METTL21A: variants seen among roughly 807,000 people sequenced by gnomAD.
METTL21A encodes the protein protein N-lysine methyltransferase METTL21A.
Under a neutral mutation model 20.9 loss-of-function variants are expected in METTL21A, and 22 were observed. The ratio of observed to expected loss-of-function variants is 1.05; its 90% CI spans 0.75 to 1.50. The LOEUF (loss-of-function observed/expected upper bound fraction) is 1.50. Among genes scored for constraint, METTL21A ranks in the 40% most tolerant of loss-of-function variants. METTL21A has a pLI of 0.00. For synonymous variants in METTL21A, 93 were observed against 102.0 expected (o/e 0.91, Z 0.53); for missense variants, 271 against 266.8 (o/e 1.02, Z -0.11).
chr2:207,619,613 CAT>C (rs2090235130), intron 3 of METTL21A, among the ~76,000 whole-genome samples: 1 of 152,066 alleles, frequency 6.6e-6, no homozygotes, highest in African/African-American at 2.4e-5. Context: ...CATACGCAGA[CAT>C]ATATATTTAC....
chr2:207,601,577 T>C (rs1258490833), intron 3 of METTL21A: 2 of 204,908 alleles, frequency 9.8e-6, no homozygotes, highest in Non-Finnish European at 2.0e-5. Flanking sequence ...TAATGAGACT[T>C]TATCCTCATC....
downstream of METTL21A, among the ~76,000 whole-genome samples, chr2:207,608,418 A>AT (rs11331224): frequency 3.3e-5 from 5 of 150,976 alleles, no homozygotes; most frequent in Non-Finnish European, 7.4e-5. Flanking sequence ...ATTTCTGATG[A>AT]TTTTTTTTTT....
chr2:207,585,837 C>T (rs1414549047), intron 3 of METTL21A, among the ~76,000 whole-genome samples: 1 of 152,062 alleles, frequency 6.6e-6, no homozygotes, highest in Non-Finnish European at 1.5e-5. Flanking sequence ...CCCAGTCAAA[C>T]ACACACTAAA....
intron 3 of METTL21A, chr2:207,602,769 T>G (rs1044238588): frequency 4.7e-6 from 1 of 214,520 alleles, no homozygotes; most frequent in African/African-American, 2.3e-5. Flanking sequence ...AAGTGGGAAA[T>G]AATTGTCAAC....
chr2:207,623,510 A>G lies in METTL21A; in HGVS notation c.147+719T>C, dbSNP rs569513234. ...ACTATGGAAAACTTAAAGAAAACAC[A>G]TAATCTCCATTTTGGGCTCTGCCAC... On this transcript the variant is annotated intron_variant, in intron 2 of 3. Transcript: ENST00000406927. Among the ~76,000 whole-genome samples, 231 of 152,318 alleles carry G rather than the reference A, an allele frequency of 1.5e-3. 1 individual carries two copies. Among genetic ancestry groups the G allele is most frequent in the African/African-American group, 5.4e-3 (226 of 41,570 alleles).
At chr2:207,625,129 G>A (rs1192208747) in intron 1 of METTL21A, 1 of 152,312 alleles carries the variant, frequency 6.6e-6, no homozygotes, top group Non-Finnish European at 1.5e-5. Flanking sequence ...ACCCTCCAGG[G>A]GTGAGAGGGA....
chr2:207,622,215 C>CTGGA (rs2090579078), intron 2 of METTL21A, among the ~76,000 whole-genome samples: 1 of 144,462 alleles, frequency 6.9e-6, no homozygotes, highest in Non-Finnish European at 1.5e-5. Context: ...GTCACCCAGG[C>CTGGA]TGGAGTGCAG....
intron 3 of METTL21A, among the ~76,000 whole-genome samples, chr2:207,613,945 T>C (rs1002272413): frequency 6.6e-6 from 1 of 152,124 alleles, no homozygotes; most frequent in Non-Finnish European, 1.5e-5. Flanking sequence ...CACTCCAGCC[T>C]GGGTGACAAG....
chr2:207,616,641 T>G (rs2089788065), intron 3 of METTL21A, among the ~76,000 whole-genome samples: 1 of 152,142 alleles, frequency 6.6e-6, no homozygotes, highest in African/African-American at 2.4e-5. Flanking sequence ...GGTCAGGAGT[T>G]CGAGACCAGC....
chr2:207,599,007 T>TTAAAATAAGATTTTAATTA (rs2086630260), intron 3 of METTL21A: 1 of 185,438 alleles, frequency 5.4e-6, no homozygotes, highest in Non-Finnish European at 1.1e-5. Context: ...TGGATCCATT[T>TTAAAATAAGATTTTAATTA]TAAAATAAGA....
At chr2:207,591,946 C>T (rs1326527301) in intron 3 of METTL21A, among the ~76,000 whole-genome samples, 1 of 151,964 alleles carries the variant, frequency 6.6e-6, no homozygotes, top group African/African-American at 2.4e-5. Context: ...TTTCAATTGT[C>T]TTCATTTCCT....
intron 3 of METTL21A, among the ~76,000 whole-genome samples, chr2:207,615,522 C>T (rs955340517): frequency 6.6e-6 from 1 of 151,692 alleles, no homozygotes; most frequent in East Asian, 1.9e-4. Flanking sequence ...ATGGTGAAAC[C>T]CCGTCTCTAC....
intron 3 of METTL21A, among the ~76,000 whole-genome samples, chr2:207,587,887 A>C (rs2084181792): frequency 6.6e-6 from 1 of 152,212 alleles, no homozygotes; most frequent in African/African-American, 2.4e-5. Flanking sequence ...CTGTAGCACC[A>C]TAGGGTGAAT....
chr2:207,607,693 T>TTTTTTTTTTTTTTG (rs1277584868), downstream of METTL21A, among the ~76,000 whole-genome samples: 4 of 143,248 alleles, frequency 2.8e-5, no homozygotes, highest in Non-Finnish European at 6.1e-5. Flanking sequence ...ACATACATTT[T>TTTTTTTTTTTTTTG]AACATAGCAT....
At chr2:207,605,976 G>A (rs2088025747), downstream of METTL21A, among the ~76,000 whole-genome samples, 8 of 152,144 alleles carry the variant, frequency 5.3e-5, no homozygotes, top group South Asian at 1.7e-3. Context: ...ATTAAAATTA[G>A]AAGTGGCACA....
chr2:207,613,191 A>G, exon 4 of METTL21A: 1 of 1,614,054 alleles, frequency 6.2e-7, no homozygotes, highest in Non-Finnish European at 8.5e-7. Flanking sequence ...TCGGCATGCT[A>G]AAAGAATCAC....
At chr2:207,612,087 CTTTTTTTTTTTTTTTT>C (rs57522071), downstream of METTL21A, 1 of 18,720 alleles carries the variant, frequency 5.3e-5, no homozygotes, top group African/African-American at 2.4e-4. Flanking sequence ...ATTTCAGGTG[CTTTTTTTTTTTTTTTT>C]TTTTTTTTTT....
At chr2:207,587,414 GA>G (rs1227810425) in intron 3 of METTL21A, among the ~76,000 whole-genome samples, 2 of 147,406 alleles carry the variant, frequency 1.4e-5, no homozygotes, top group African/African-American at 5.0e-5. Flanking sequence ...AAAGGAAAAA[GA>G]AAAAAACACA....
At chr2:207,608,916 T>A (rs2088538925), downstream of METTL21A, among the ~76,000 whole-genome samples, 1 of 152,172 alleles carries the variant, frequency 6.6e-6, no homozygotes, top group African/African-American at 2.4e-5. Context: ...ACAGAGCGAA[T>A]ATGCATTCCC....
Sources: allele counts gnomAD v4.1 joint callset (sites outside exome capture counted in the v4.1 genomes callset), GRCh38; gene constraint gnomAD v4.1.1; transcripts MANE v1.5; gene names NCBI Gene and HGNC (gene_info 2026-07-23, HGNC 2026-07-21).